KL: variants seen among roughly 807,000 people sequenced by gnomAD.
KL encodes alpha-klotho.
In KL, 62 loss-of-function variants were observed where a neutral mutation model predicts 84.2. The ratio of observed to expected loss-of-function variants is 0.74; its 90% CI spans 0.60 to 0.91. The LOEUF (loss-of-function observed/expected upper bound fraction) is 0.91. Ranked by LOEUF, KL falls within the 40% of genes least tolerant of loss-of-function variation. The pLI, the probability that KL is intolerant of heterozygous loss-of-function variation, is 0.00. For missense variants in KL, 1,261 were observed against 1,305.7 expected, an observed-to-expected ratio of 0.97 and a Z score of 0.53; for synonymous variants, 528 against 528.0, an observed-to-expected ratio of 1.00 and a Z score of 0.00.
At chr13:33,026,893 C>T (rs1870798326) in intron 1 of KL, among the ~76,000 whole-genome samples, 1 of 152,132 alleles carries the variant, frequency 6.6e-6, no homozygotes, top group Non-Finnish European at 1.5e-5. Context: ...TCTTGCATGC[C>T]AGCTTCTCTC....
chr13:33,033,455 A>G (rs1386985407), intron 1 of KL, among the ~76,000 whole-genome samples: 1 of 151,890 alleles, frequency 6.6e-6, no homozygotes, highest in Non-Finnish European at 1.5e-5. Context: ...TTTTGTCTCA[A>G]CTCTGACTCC....
At chr13:33,057,634 A>G (rs577127758) in intron 3 of KL, among the ~76,000 whole-genome samples, 1 of 152,184 alleles carries the variant, frequency 6.6e-6, no homozygotes, top group South Asian at 2.1e-4. Context: ...GCAGAACCCA[A>G]CAAACACAAA....
chr13:33,047,985 G>T (rs1368341160), intron 1 of KL, among the ~76,000 whole-genome samples: 1 of 151,844 alleles, frequency 6.6e-6, no homozygotes, highest in Non-Finnish European at 1.5e-5. Flanking sequence ...TTCAGTTGTT[G>T]TTTCTCTGTT....
intron 1 of KL, among the ~76,000 whole-genome samples, chr13:33,018,760 A>G (rs1321724586): frequency 3.3e-5 from 5 of 152,218 alleles, no homozygotes; most frequent in Admixed American, 3.3e-4. Flanking sequence ...GATCAGCTGG[A>G]GGATCTAATA....
chr13:33,017,317 G>A, intron 1 of KL, 58 bp downstream of exon 1: 3 of 1,439,546 alleles, frequency 2.1e-6, no homozygotes, highest in Middle Eastern at 2.1e-4. Context: ...CCTCCACAGG[G>A]GCCAGGGGGA....
At chr13:33,033,781 AG>A (rs2138204663) in intron 1 of KL, among the ~76,000 whole-genome samples, 1 of 152,082 alleles carries the variant, frequency 6.6e-6, no homozygotes, top group African/African-American at 2.4e-5. Flanking sequence ...TCGAGGAGAC[AG>A]GAAGTCACCA....
intron 3 of KL, 30 bp downstream of exon 3, chr13:33,055,345 T>C (rs973052241): frequency 5.6e-6 from 9 of 1,613,822 alleles, no homozygotes; most frequent in Non-Finnish European, 7.6e-6. Flanking sequence ...CAATCAGCAG[T>C]CTCACCAAGC....
chr13:33,018,538 T>G (rs1175812234), intron 1 of KL, among the ~76,000 whole-genome samples: 2 of 152,210 alleles, frequency 1.3e-5, no homozygotes, highest in Non-Finnish European at 2.9e-5. Flanking sequence ...TGGAAACACA[T>G]TGTGATTTTT....
chr13:33,020,962 C>T (rs895752668), intron 1 of KL, among the ~76,000 whole-genome samples: 2 of 152,192 alleles, frequency 1.3e-5, no homozygotes, highest in African/African-American at 4.8e-5. Context: ...GCCATCTCTT[C>T]CTTCTATGGC....
chr13:33,024,721 T>G (rs1312414655), intron 1 of KL, among the ~76,000 whole-genome samples: 1 of 152,200 alleles, frequency 6.6e-6, no homozygotes, highest in African/African-American at 2.4e-5. Flanking sequence ...TGGTCCTCTT[T>G]CCTCTGCCTT....
chr13:33,056,864 G>A (rs1871982318), intron 3 of KL, among the ~76,000 whole-genome samples: 1 of 152,070 alleles, frequency 6.6e-6, no homozygotes, highest in African/African-American at 2.4e-5. Context: ...GAGCCCAGGA[G>A]AAAGGCTTCT....
intron 1 of KL, among the ~76,000 whole-genome samples, chr13:33,044,403 A>G (rs1008500322): frequency 2.0e-5 from 3 of 152,086 alleles, no homozygotes; most frequent in Admixed American, 6.6e-5. Flanking sequence ...CAGTAGGTCA[A>G]TCTGGGGAAA....
At chr13:33,054,702 A>C (rs1871886200) in intron 2 of KL, among the ~76,000 whole-genome samples, 1 of 152,170 alleles carries the variant, frequency 6.6e-6, no homozygotes, top group African/African-American at 2.4e-5. Context: ...TAAAGCCTTC[A>C]TTTATTTATT....
chr13:33,052,297 C>A (rs191170438), intron 1 of KL, among the ~76,000 whole-genome samples: 1 of 152,258 alleles, frequency 6.6e-6, no homozygotes, highest in East Asian at 1.9e-4. Context: ...CATGAGGTTT[C>A]CTTTCAATGA....
intron 1 of KL, among the ~76,000 whole-genome samples, chr13:33,027,238 T>C (rs1870811109): frequency 1.3e-5 from 2 of 152,218 alleles, no homozygotes; most frequent in African/African-American, 2.4e-5. Flanking sequence ...AGGTGGGTTA[T>C]ACTAGGATTT....
In KL at chr13:33,030,634, C is replaced by A. The variant is rs527715937; in HGVS notation, c.819+13375C>A. On this transcript the variant is annotated intron_variant, in intron 1 of 4. Coordinates refer to ENST00000380099, the MANE Select transcript of KL (RefSeq NM_004795.4). ...TCTTGTCTCCTGCAATAATCAGGAACCCAGGCTTAAAAGGGAGCAGGTACA... is the reference window on the plus strand; with the variant it reads ...TCTTGTCTCCTGCAATAATCAGGAAACCAGGCTTAAAAGGGAGCAGGTACA... 3.7e-3 allele frequency among the ~76,000 whole-genome samples: 562 copies of A among 152,176 alleles called. 3 individuals carry two copies. Among genetic ancestry groups the A allele is most frequent in the Middle Eastern group, 0.034 (10 of 294 alleles).
intron 1 of KL, among the ~76,000 whole-genome samples, chr13:33,026,198 C>T (rs1038443704): frequency 3.3e-5 from 5 of 152,276 alleles, no homozygotes; most frequent in African/African-American, 1.2e-4. Context: ...CCTGCCAGTG[C>T]CTTTTCCCTT....
At chr13:33,020,131 A>C (rs1870521715) in intron 1 of KL, among the ~76,000 whole-genome samples, 1 of 152,182 alleles carries the variant, frequency 6.6e-6, no homozygotes, top group Admixed American at 6.5e-5. Flanking sequence ...GAACCTGTGA[A>C]AAAGACTTCT....
intron 1 of KL, among the ~76,000 whole-genome samples, chr13:33,036,149 T>C (rs1871140387): frequency 6.6e-6 from 1 of 152,208 alleles, no homozygotes; most frequent in South Asian, 2.1e-4. Flanking sequence ...TTGGTTATAT[T>C]TGTATTAAGG....
Sources: allele counts gnomAD v4.1 joint callset (sites outside exome capture counted in the v4.1 genomes callset), GRCh38; gene constraint gnomAD v4.1.1; transcripts MANE v1.5; gene names NCBI Gene and HGNC (gene_info 2026-07-23, HGNC 2026-07-21).